MYH11: variants seen among roughly 807,000 people sequenced by gnomAD.
MYH11 encodes myosin-11.
In MYH11, 80 loss-of-function variants were observed where a neutral mutation model predicts 246.6. That is an observed-to-expected ratio of 0.32 (90% CI 0.27 to 0.39). The LOEUF is 0.39. Ranked by LOEUF, MYH11 falls within the 10% of genes least tolerant of loss-of-function variation. The pLI is 1.00. For synonymous variants in MYH11, 1,071 were observed against 1,015.5 expected, an observed-to-expected ratio of 1.05 and a Z score of -1.04; for missense variants, 2,158 against 2,546.8, an observed-to-expected ratio of 0.85 and a Z score of 3.29.
chr16:15,715,308 A>T (rs1302048031), intron 38 of MYH11, 36 bp from the exon 39 acceptor site: 2 of 1,607,034 alleles, frequency 1.2e-6, no homozygotes, highest in Non-Finnish European at 1.7e-6. Flanking sequence ...GTTTCAGCGG[A>T]GGGTGGCACC....
chr16:15,854,917 G>A (rs1474023057), intron 1 of MYH11, among the ~76,000 whole-genome samples: 1 of 149,418 alleles, frequency 6.7e-6, no homozygotes, highest in Non-Finnish European at 1.5e-5. Context: ...CTTCTCCTTA[G>A]GGTTTCTCCA....
chr16:15,788,052 G>A (rs1390988092), intron 4 of MYH11, among the ~76,000 whole-genome samples: 3 of 119,270 alleles, frequency 2.5e-5, no homozygotes, highest in Admixed American at 9.4e-5. Context: ...AAAAAAGTAT[G>A]TCCTCCTGGA....
chr16:15,739,774 C>G (rs1249124988), intron 23 of MYH11, among the ~76,000 whole-genome samples: 4 of 151,470 alleles, frequency 2.6e-5, no homozygotes, highest in African/African-American at 9.7e-5. Flanking sequence ...AACAGAGTCA[C>G]TCTGTCACCC....
rs935891533 is a variant in MYH11 at position 15,718,304 on chromosome 16, G to A, written c.5295+11C>T. 1 of 1,608,214 alleles carries A rather than the reference G, an allele frequency of 6.2e-7. No homozygotes were observed. On this transcript the variant is annotated intron_variant, in intron 37 of 40. Transcript: ENST00000300036. ...TAGGCAGCGTGACTGTGGTGTCCAG[G>A]CGGCCCTCACCTGCTGTGTGGCTTT...
chr16:15,848,524 G>A (rs1485279428), intron 1 of MYH11, among the ~76,000 whole-genome samples: 3 of 152,000 alleles, frequency 2.0e-5, no homozygotes, highest in Non-Finnish European at 4.4e-5. Flanking sequence ...GTGAGCCACC[G>A]CAGCTGGCCA....
chr16:15,776,573 T>A (rs1423383664), intron 7 of MYH11, among the ~76,000 whole-genome samples: 3 of 152,170 alleles, frequency 2.0e-5, no homozygotes, highest in African/African-American at 7.2e-5. Context: ...ATGATTGATA[T>A]AAATTGTCTC....
intron 4 of MYH11, among the ~76,000 whole-genome samples, chr16:15,795,481 C>T (rs1043282491): frequency 4.4e-4 from 67 of 152,034 alleles, no homozygotes; most frequent in Admixed American, 3.9e-4. Flanking sequence ...CATGGTGGTA[C>T]ATGCCTGTTA....
chr16:15,760,279 C>G (rs912293168), intron 11 of MYH11, among the ~76,000 whole-genome samples: 5 of 151,178 alleles, frequency 3.3e-5, no homozygotes, highest in Non-Finnish European at 7.4e-5. Context: ...ATGGCTGGGT[C>G]ATGGATGGAT....
At chr16:15,741,293 C>A in intron 22 of MYH11, 170 bp downstream of exon 22, 1 of 766,068 alleles carries the variant, frequency 1.3e-6, no homozygotes, top group Non-Finnish European at 2.3e-6. Context: ...TCACTGTGTT[C>A]CAGTCCCAAT....
chr16:15,714,727 C>A, intron 40 of MYH11, 182 bp downstream of exon 40: 1 of 765,028 alleles, frequency 1.3e-6, no homozygotes, highest in Non-Finnish European at 2.2e-6. Flanking sequence ...AGGCAGGGCC[C>A]GGGTCTGATC....
At chr16:15,741,313 G>T in intron 22 of MYH11, 150 bp downstream of exon 22, 1 of 865,638 alleles carries the variant, frequency 1.2e-6, no homozygotes, top group Non-Finnish European at 1.9e-6. Flanking sequence ...TCCCAGCTGT[G>T]TGGCCTTGAT....
At chr16:15,801,161 G>A (rs1261898399) in intron 3 of MYH11, among the ~76,000 whole-genome samples, 4 of 152,086 alleles carry the variant, frequency 2.6e-5, no homozygotes, top group Admixed American at 6.5e-5. Context: ...AGCCGAGATC[G>A]TGCCACTGCA....
intron 1 of MYH11, among the ~76,000 whole-genome samples, chr16:15,854,525 GGTT>G (rs1463294740): frequency 2.0e-5 from 3 of 152,148 alleles, no homozygotes; most frequent in Non-Finnish European, 4.4e-5. Context: ...TACTCTAAAG[GGTT>G]GTTATGAAGA....
chr16:15,776,930 T>C (rs2151296956), intron 7 of MYH11, among the ~76,000 whole-genome samples: 1 of 152,198 alleles, frequency 6.6e-6, no homozygotes, highest in East Asian at 1.9e-4. Flanking sequence ...CTGGGTGGAT[T>C]TCCACAGCAC....
chr16:15,704,308 A>G (rs574083510), intron 40 of MYH11, among the ~76,000 whole-genome samples, 185 bp from the exon 41 acceptor site: 2 of 152,200 alleles, frequency 1.3e-5, no homozygotes, highest in Non-Finnish European at 2.9e-5. Context: ...AATCATTGCC[A>G]GTCTTAAGGC....
At chr16:15,849,783 C>A (rs2044284858) in intron 1 of MYH11, among the ~76,000 whole-genome samples, 1 of 152,146 alleles carries the variant, frequency 6.6e-6, no homozygotes, top group Non-Finnish European at 1.5e-5. Context: ...ACAAGCTAAT[C>A]ATTAGCCTCT....
chr16:15,808,478 C>A (rs184850450), intron 3 of MYH11, among the ~76,000 whole-genome samples: 34 of 152,334 alleles, frequency 2.2e-4, no homozygotes, highest in African/African-American at 7.5e-4. Context: ...CAGCCTTCAT[C>A]TCCCCACTCT....
At chr16:15,762,937 A>C (rs2041902060) in intron 10 of MYH11, among the ~76,000 whole-genome samples, 1 of 152,138 alleles carries the variant, frequency 6.6e-6, no homozygotes, top group African/African-American at 2.4e-5. Flanking sequence ...AAGAAACCTA[A>C]GTTTTGCTCT....
rs201028938 is a variant in MYH11 at position 15,715,086 on chromosome 16, C to T, written c.5614-5G>A. 2.2e-5 allele frequency: 35 copies of T among 1,612,276 alleles called. No homozygotes were observed. The East Asian group carries it at 6.2e-4, about 29-fold the overall frequency. ...CCTGGCATTGCCTTTCTCTGCCTGTCGCGGAGAGTTGGAGGGGTGGTTAGG... is the reference window on the plus strand; with the variant it reads ...CCTGGCATTGCCTTTCTCTGCCTGTTGCGGAGAGTTGGAGGGGTGGTTAGG... On this transcript the variant is annotated splice_region_variant and splice_polypyrimidine_tract_variant and intron_variant, in intron 39 of 40. Coordinates refer to ENST00000300036, the MANE Select transcript of MYH11 (RefSeq NM_002474.3).
Sources: gnomAD v4.1 joint callset for allele counts (sites outside exome capture counted in the v4.1 genomes callset) on GRCh38, gnomAD v4.1.1 for gene constraint, MANE v1.5 for transcripts, NCBI Gene and HGNC (gene_info 2026-07-23, HGNC 2026-07-21) for gene names.